Variants in FHIT observed in about 807,000 individuals in gnomAD.
FHIT encodes bis(5'-adenosyl)-triphosphatase.
A neutral mutation model predicts 17.9 loss-of-function variants in FHIT; 19 were observed. That is an observed-to-expected ratio of 1.06 (90% confidence interval 0.74 to 1.56). FHIT has a LOEUF of 1.56. Among genes scored for constraint, FHIT ranks in the 40% most tolerant of loss-of-function variants. FHIT has a pLI of 0.00. For synonymous variants in FHIT, 81 were observed against 69.7 expected, an observed-to-expected ratio of 1.16 and a Z score of -0.81; for missense variants, 248 against 189.2, an observed-to-expected ratio of 1.31 and a Z score of -1.82.
At chr3:59,763,050 CGGTGTTTCAGATATT>C (rs1350630407) in intron 8 of FHIT, among the ~76,000 whole-genome samples, 1 of 152,130 alleles carries the variant, frequency 6.6e-6, no homozygotes, top group Non-Finnish European at 1.5e-5. Context: ...TCCCCCCCGC[CGGTGTTTCAGATATT>C]GGTGTTTAAG....
intron 3 of FHIT, among the ~76,000 whole-genome samples, chr3:60,976,004 T>C (rs972683785): frequency 1.3e-5 from 2 of 151,968 alleles, no homozygotes; most frequent in African/African-American, 4.8e-5. Flanking sequence ...GTTTATTAAC[T>C]TCACTAAATA....
chr3:59,835,369 T>C lies in FHIT; in HGVS notation c.349-83048A>G, dbSNP rs561931556. 3.3e-5 allele frequency among the ~76,000 whole-genome samples: 5 copies of C among 152,320 alleles called. No individual in the cohort carries two copies. In the South Asian group the frequency reaches 1.0e-3, roughly 32 times the overall value. On this transcript the variant is annotated intron_variant, in intron 8 of 9. Transcript: ENST00000492590. ...CCGCCTATTATGTCTAATGTTATTG[T>C]GCACCAAAAATGAAGCTCTCCTAAT... is the stretch of plus-strand genomic sequence containing the variant.
chr3:60,570,797 A>T (rs1349199239), intron 4 of FHIT, among the ~76,000 whole-genome samples: 1 of 151,702 alleles, frequency 6.6e-6, no homozygotes, highest in Non-Finnish European at 1.5e-5. Flanking sequence ...CAGTGTTGAC[A>T]AATATTTGTT....
intron 5 of FHIT, among the ~76,000 whole-genome samples, chr3:60,113,091 T>A (rs573163376): frequency 6.6e-6 from 1 of 152,200 alleles, no homozygotes; most frequent in Non-Finnish European, 1.5e-5. Context: ...TCCTGACCCA[T>A]GAATTCTGTG....
chr3:60,336,007 T>C (rs752376331), intron 5 of FHIT, among the ~76,000 whole-genome samples: 3 of 152,232 alleles, frequency 2.0e-5, no homozygotes, highest in Non-Finnish European at 2.9e-5. Flanking sequence ...CTTTCTATCA[T>C]AATGATTATT....
intron 2 of FHIT, among the ~76,000 whole-genome samples, chr3:61,071,766 G>T (rs2034816223): frequency 6.6e-6 from 1 of 151,934 alleles, no homozygotes; most frequent in Non-Finnish European, 1.5e-5. Context: ...TGTATAAGCA[G>T]GGTGTGTGTG....
At chr3:60,087,171 C>A (rs1703530011) in intron 5 of FHIT, among the ~76,000 whole-genome samples, 1 of 152,222 alleles carries the variant, frequency 6.6e-6, no homozygotes, top group Non-Finnish European at 1.5e-5. Flanking sequence ...GGAGCCAGAG[C>A]AGCTGGGATG....
At chr3:59,835,900 AG>A (rs1463595744) in intron 8 of FHIT, among the ~76,000 whole-genome samples, 1 of 152,176 alleles carries the variant, frequency 6.6e-6, no homozygotes, top group Admixed American at 6.5e-5. Context: ...GGAGGAGAAA[AG>A]GGGGAGCCCT....
chr3:60,314,240 G>C (rs1181738642), intron 5 of FHIT, among the ~76,000 whole-genome samples: 1 of 150,296 alleles, frequency 6.7e-6, no homozygotes, highest in Non-Finnish European at 1.5e-5. Flanking sequence ...ATTAATAAGA[G>C]ATATAGGATT....
At chr3:60,181,727 C>T (rs913937233) in intron 5 of FHIT, among the ~76,000 whole-genome samples, 16 of 152,168 alleles carry the variant, frequency 1.1e-4, no homozygotes, top group Non-Finnish European at 1.2e-4. Flanking sequence ...CAATGCATTT[C>T]TTTTGCATTT....
At chr3:60,027,983 T>C (rs212028) in intron 5 of FHIT, among the ~76,000 whole-genome samples, 61,048 of 152,094 alleles carry the variant, frequency 0.4, 15,124 homozygotes, top group Non-Finnish European at 0.56. Flanking sequence ...CATTTAAAAA[T>C]TAAATTTAAA....
intron 5 of FHIT, among the ~76,000 whole-genome samples, chr3:60,112,079 T>C (rs149967244): frequency 1.6e-4 from 25 of 152,324 alleles, no homozygotes; most frequent in African/African-American, 5.5e-4. Context: ...TATGGGATTA[T>C]TTCTCTTTGC....
chr3:60,619,649 A>G (rs1037025184), intron 4 of FHIT, among the ~76,000 whole-genome samples: 3 of 151,334 alleles, frequency 2.0e-5, no homozygotes, highest in Non-Finnish European at 4.4e-5. Flanking sequence ...AAGACCTCAC[A>G]CTATTCACAA....
chr3:60,572,125 C>G (rs1385011376), intron 4 of FHIT, among the ~76,000 whole-genome samples: 3 of 152,036 alleles, frequency 2.0e-5, no homozygotes, highest in African/African-American at 7.2e-5. Flanking sequence ...CACAAGATTA[C>G]CCATCAAGAC....
chr3:60,899,834 G>A (rs1706015297), intron 3 of FHIT, among the ~76,000 whole-genome samples: 1 of 152,192 alleles, frequency 6.6e-6, no homozygotes, highest in African/African-American at 2.4e-5. Context: ...GGGATGGAAT[G>A]TGATAATAAA....
chr3:60,432,230 C>T (rs1702937114), intron 5 of FHIT, among the ~76,000 whole-genome samples: 1 of 152,110 alleles, frequency 6.6e-6, no homozygotes, highest in African/African-American at 2.4e-5. Context: ...CCTGCCTTGG[C>T]CTCCCAAAGT....
intron 5 of FHIT, among the ~76,000 whole-genome samples, chr3:60,394,724 T>C (rs1045135447): frequency 1.3e-5 from 2 of 152,212 alleles, no homozygotes; most frequent in African/African-American, 4.8e-5. Context: ...TATATATGTT[T>C]AGAATAGTTC....
At chr3:60,284,986 G>T (rs1346306158) in intron 5 of FHIT, among the ~76,000 whole-genome samples, 1 of 152,038 alleles carries the variant, frequency 6.6e-6, no homozygotes, top group Non-Finnish European at 1.5e-5. Flanking sequence ...TGTCTAGTAC[G>T]AAAGAACCAC....
chr3:60,312,731 T>C (rs1225115259), intron 5 of FHIT, among the ~76,000 whole-genome samples: 1 of 152,154 alleles, frequency 6.6e-6, no homozygotes, highest in African/African-American at 2.4e-5. Context: ...ACCTACTTTA[T>C]TTTTAACAAC....
Sources: allele counts gnomAD v4.1 joint callset (sites outside exome capture counted in the v4.1 genomes callset), GRCh38; gene constraint gnomAD v4.1.1; transcripts MANE v1.5; gene names NCBI Gene and HGNC (gene_info 2026-07-23, HGNC 2026-07-21).